Variants in WDR33 observed in about 807,000 individuals in gnomAD.
WDR33 encodes WD repeat domain 33, also known as pre-mRNA 3' end processing protein WDR33.
WDR33 carries 47 observed loss-of-function variants against 164.9 expected under a neutral mutation model. The observed-to-expected ratio is 0.29, with a 90% CI of 0.23 to 0.36. The LOEUF (loss-of-function observed/expected upper bound fraction) is 0.36. WDR33 is among the 10% of genes least tolerant of loss of function. WDR33 has a pLI of 1.00. For missense variants in WDR33, 1,137 were observed against 1,754.1 expected (o/e 0.65, Z 6.28); for synonymous variants, 505 against 589.0 (o/e 0.86, Z 2.06).
chr2:127,706,404 G>A lies in WDR33; in HGVS notation c.3930C>T (p.Gly1310=). 1 of 1,613,442 alleles carries A rather than the reference G, an allele frequency of 6.2e-7. No individual in the cohort carries two copies. The highest frequency in any genetic ancestry group is 8.5e-7 in the Non-Finnish European group (1 of 1,179,782). ...SGTPSRGGRS[G]SNWGRGSNMN... ...TGTTACTCCCTCTACCCCAGTTACT[G>A]CCACTCCGGCCCCCTCGAGAAGGGG... Residue 1310 remains glycine, a synonymous_variant, in exon 22 of 22, where the codon GGC becomes GGT. Coordinates refer to ENST00000322313, the MANE Select transcript of WDR33 (RefSeq NM_018383.5). The surrounding 1 kb of genome is among the most constrained non-coding windows in gnomAD (Gnocchi z 5.1).
intron 7 of WDR33, chr2:127,737,167 T>C (rs971917513): frequency 1.0e-6 from 1 of 985,446 alleles, no homozygotes; most frequent in Non-Finnish European, 1.2e-6. Context: ...TCATCAAAGA[T>C]GCTTAAAGGA....
In WDR33 at chr2:127,709,770, G is replaced by C; in HGVS notation, c.3395C>G (p.Pro1132Arg). 2 of 1,614,140 alleles carry C rather than the reference G, an allele frequency of 1.2e-6. No homozygotes were observed. Reference protein sequence around the residue: ...DGFPGPEDFGPEENFDASEEA... With the variant: ...DGFPGPEDFGREENFDASEEA... Reference sequence around the variant, plus strand: ...CTCAGAAGCATCAAAATTCTCCTCTGGACCAAAGTCTTCAGGACCAGGAAA... The same window carrying C: ...CTCAGAAGCATCAAAATTCTCCTCTCGACCAAAGTCTTCAGGACCAGGAAA... Residue 1132 changes from proline (P) to arginine (R), a missense_variant, in exon 19 of 22, where the codon CCA (proline) becomes CGA (arginine). By Grantham distance (103) the Pro-to-Arg change is moderately radical. Coordinates refer to ENST00000322313, the MANE Select transcript of WDR33 (RefSeq NM_018383.5). The surrounding 1 kb of genome is among the most constrained non-coding windows in gnomAD (Gnocchi z 5.0).
chr2:127,728,579 A>G (rs1686625064), intron 7 of WDR33, among the ~76,000 whole-genome samples: 1 of 152,196 alleles, frequency 6.6e-6, no homozygotes, highest in Non-Finnish European at 1.5e-5. Context: ...TTTAAAAAGA[A>G]AAATAACTGA....
chr2:127,714,632 T>C lies in WDR33; in HGVS notation c.2870-611A>G, dbSNP rs1278243559. On this transcript the variant is annotated intron_variant, in intron 17 of 21. Coordinates refer to ENST00000322313, the MANE Select transcript of WDR33 (RefSeq NM_018383.5). The surrounding 1 kb of genome is among the most constrained non-coding windows in gnomAD (Gnocchi z 4.3). ...TTTCTGCACCTCTCTATGGATGTTGTTCCTCATCTACAATATTCTCACCAT... is the reference window on the plus strand; with the variant it reads ...TTTCTGCACCTCTCTATGGATGTTGCTCCTCATCTACAATATTCTCACCAT... 6.6e-6 allele frequency among the ~76,000 whole-genome samples: 1 copy of C among 152,236 alleles called. No homozygotes were observed. Among genetic ancestry groups the C allele is most frequent in the African/African-American group, 2.4e-5 (1 of 41,456 alleles).
At chr2:127,734,380 T>C (rs1040582232) in intron 7 of WDR33, among the ~76,000 whole-genome samples, 1 of 152,246 alleles carries the variant, frequency 6.6e-6, no homozygotes, top group African/African-American at 2.4e-5. Flanking sequence ...AGTGACAGAA[T>C]TAGCATCTCC....
In WDR33 at chr2:127,719,021, T is replaced by A. The variant is rs1374528488; in HGVS notation, c.2760+244A>T. Among the ~76,000 whole-genome samples, 2 of 152,170 alleles carry A rather than the reference T, an allele frequency of 1.3e-5. No homozygotes were observed. The highest frequency in any genetic ancestry group is 1.3e-4 in the Admixed American group (2 of 15,272). ...GTTGACCTTTTCTGAAGAAACTCTA[T>A]TACCAAAAAAAGAAAAATGGTGAGA... On this transcript the variant is annotated intron_variant, in intron 16 of 21. Coordinates refer to ENST00000322313, the MANE Select transcript of WDR33 (RefSeq NM_018383.5). The surrounding 1 kb of genome is among the most constrained non-coding windows in gnomAD (Gnocchi z 6.5).
In WDR33 at chr2:127,710,131, A is replaced by C. The variant is rs773523135; in HGVS notation, c.3309-275T>G. On this transcript the variant is annotated intron_variant, in intron 18 of 21. Transcript: ENST00000322313. The surrounding 1 kb of genome is among the most constrained non-coding windows in gnomAD (Gnocchi z 4.4). ...ATACAAGTATTACTTCATTTCATTC[A>C]TTTCATTTTCACAGCCACCATATGA... Among the ~76,000 whole-genome samples the C allele has an allele frequency of 9.2e-5, 14 of 152,190 alleles. No homozygotes were observed. The highest frequency in any genetic ancestry group is 1.6e-4 in the Non-Finnish European group (11 of 68,034).
At chr2:127,759,779 C>G (rs1251389861) in intron 7 of WDR33, among the ~76,000 whole-genome samples, 1 of 151,316 alleles carries the variant, frequency 6.6e-6, no homozygotes, top group Non-Finnish European at 1.5e-5. Flanking sequence ...TGGTGGCTCA[C>G]AGTATAATCC....
chr2:127,761,332 C>T (rs1687668958), intron 7 of WDR33, among the ~76,000 whole-genome samples: 2 of 151,732 alleles, frequency 1.3e-5, no homozygotes. Flanking sequence ...TCCCGAGTAG[C>T]TGGGACTACA....
At chr2:127,758,432 T>C (rs1207952556) in intron 7 of WDR33, among the ~76,000 whole-genome samples, 1 of 152,204 alleles carries the variant, frequency 6.6e-6, no homozygotes, top group East Asian at 1.9e-4. Context: ...TTTTGGTGCC[T>C]TGGTTTACTC....
At chr2:127,772,483 T>C (rs906830727) in intron 1 of WDR33, among the ~76,000 whole-genome samples, 4 of 152,148 alleles carry the variant, frequency 2.6e-5, no homozygotes, top group Non-Finnish European at 5.9e-5. Flanking sequence ...ACTAATTATT[T>C]TCATGTTTAT....
In WDR33 at chr2:127,706,696, G is replaced by T; in HGVS notation, c.3782-144C>A. ...CTGGCAGTGGTATTCAGCGTACTGAGAGGTGTGCCTCTACCCTTTCCTGAC... is the reference window on the plus strand; with the variant it reads ...CTGGCAGTGGTATTCAGCGTACTGATAGGTGTGCCTCTACCCTTTCCTGAC... On this transcript the variant is annotated intron_variant, in intron 21 of 21. Transcript: ENST00000322313. This position sits in a 1 kb window ranked among gnomAD's most constrained non-coding sequence, Gnocchi z 5.1. 1 of 734,586 alleles carries T rather than the reference G, an allele frequency of 1.4e-6. No individual in the cohort carries two copies. Among genetic ancestry groups the T allele is most frequent in the Non-Finnish European group, 2.1e-6 (1 of 466,544 alleles). 45.5% of individuals were successfully genotyped at this position (734,586 alleles called of 1,614,324 possible).
intron 1 of WDR33, among the ~76,000 whole-genome samples, chr2:127,779,975 A>AT (rs1201664053): frequency 0.012 from 1,703 of 142,686 alleles, 52 homozygotes; most frequent in Admixed American, 0.06. Flanking sequence ...GGTTTTTTTG[A>AT]TTTTTTTTTT....
In WDR33 at chr2:127,735,803, T is replaced by C; in HGVS notation, c.725-9026A>G. 1 of 985,434 alleles carries C rather than the reference T, an allele frequency of 1.0e-6. No homozygotes were observed. Among genetic ancestry groups the C allele is most frequent in the Non-Finnish European group, 1.2e-6 (1 of 829,904 alleles). 61.0% of individuals were successfully genotyped at this position (985,434 alleles called of 1,614,324 possible). The stretch of plus-strand genomic sequence containing the variant: ...GGTCAAGGAATATGCAATTTATTAG[T>C]ATTTTACCTTCCTTTAATGCAAAAT... On this transcript the variant is annotated intron_variant, in intron 7 of 21. Coordinates refer to ENST00000322313, the MANE Select transcript of WDR33 (RefSeq NM_018383.5). The surrounding 1 kb of genome is among the most constrained non-coding windows in gnomAD (Gnocchi z 4.3).
chr2:127,729,969 C>T (rs1016760056), intron 7 of WDR33, among the ~76,000 whole-genome samples: 5 of 152,156 alleles, frequency 3.3e-5, no homozygotes, highest in African/African-American at 9.7e-5. Flanking sequence ...CACACACCCA[C>T]GCCCCTTTGC....
chr2:127,786,609 G>C (rs1197494346), intron 1 of WDR33, among the ~76,000 whole-genome samples: 2 of 152,116 alleles, frequency 1.3e-5, no homozygotes, highest in Non-Finnish European at 2.9e-5. Flanking sequence ...CTTGAACCTG[G>C]GAAGTTGGAG....
rs1408704471 is a variant in WDR33 at position 127,791,962 on chromosome 2, G to A, written c.-24+19050C>T. On this transcript the variant is annotated intron_variant, in intron 1 of 21. Coordinates refer to ENST00000322313, the MANE Select transcript of WDR33 (RefSeq NM_018383.5). The stretch of plus-strand genomic sequence containing the variant: ...AGTATCTTTTTTTTTTTTTTGAGAC[G>A]GAGTCTCATGCTGTCACCCAGGCTG... Among the ~76,000 whole-genome samples, 9 of 149,218 alleles carry A rather than the reference G, an allele frequency of 6.0e-5. No homozygotes were observed. The East Asian group carries it at 1.4e-3, about 23-fold the overall frequency.
intron 1 of WDR33, among the ~76,000 whole-genome samples, chr2:127,779,974 G>GT (rs1688314200): frequency 1.4e-5 from 2 of 145,340 alleles, no homozygotes; most frequent in African/African-American, 5.4e-5. Context: ...AGGTTTTTTT[G>GT]ATTTTTTTTT....
intron 1 of WDR33, among the ~76,000 whole-genome samples, chr2:127,778,005 A>G (rs909443386): frequency 6.6e-6 from 1 of 152,234 alleles, no homozygotes; most frequent in Non-Finnish European, 1.5e-5. Context: ...GATAAAAGTT[A>G]AAAATGAGCC....
Sources: gnomAD v4.1 joint callset for allele counts (sites outside exome capture counted in the v4.1 genomes callset) on GRCh38, gnomAD v4.1.1 for gene constraint, Gnocchi (gnomAD v3.1) non-coding constraint, MANE v1.5 for transcripts, NCBI Gene and HGNC (gene_info 2026-07-23, HGNC 2026-07-21) for gene names.